DGKB: variants seen among roughly 807,000 people sequenced by gnomAD.
The protein encoded by DGKB is 90 kDa diacylglycerol kinase.
DGKB carries 67 observed loss-of-function variants against 114.3 expected under a neutral mutation model. The ratio of observed to expected loss-of-function variants is 0.59; its 90% CI spans 0.48 to 0.72. The LOEUF (loss-of-function observed/expected upper bound fraction) is 0.72. Ranked by LOEUF, DGKB falls within the 30% of genes least tolerant of loss-of-function variation. The probability of loss-of-function intolerance (pLI) is 0.00; values close to 1 mark genes in which losing one functional copy is unlikely to be tolerated. For missense variants in DGKB, 907 were observed against 975.2 expected (o/e 0.93, Z 0.93); for synonymous variants, 398 against 323.1 (o/e 1.23, Z -2.49).
intron 21 of DGKB, among the ~76,000 whole-genome samples, chr7:14,386,124 C>T (rs1290022540): frequency 6.6e-6 from 1 of 152,176 alleles, no homozygotes; most frequent in Non-Finnish European, 1.5e-5. Flanking sequence ...GATAATTTCA[C>T]ATGCCATGTG....
At chr7:14,541,640 C>T (rs1270924916) in intron 20 of DGKB, among the ~76,000 whole-genome samples, 1 of 152,092 alleles carries the variant, frequency 6.6e-6, no homozygotes, top group African/African-American at 2.4e-5. Context: ...AAAACCTTCC[C>T]AAAGCATATT....
chr7:14,452,946 A>G (rs1831739460), intron 21 of DGKB, among the ~76,000 whole-genome samples: 1 of 152,142 alleles, frequency 6.6e-6, no homozygotes, highest in Non-Finnish European at 1.5e-5. Context: ...AAGTTTCTAT[A>G]AAGGCTCCAT....
At chr7:14,264,287 C>A (rs867036102) in intron 23 of DGKB, among the ~76,000 whole-genome samples, 2 of 152,128 alleles carry the variant, frequency 1.3e-5, no homozygotes, top group African/African-American at 4.8e-5. Flanking sequence ...GCATTTTTAT[C>A]AGAAATTTAT....
intron 21 of DGKB, among the ~76,000 whole-genome samples, chr7:14,364,954 G>A (rs897812508): frequency 3.9e-5 from 6 of 151,956 alleles, no homozygotes; most frequent in Non-Finnish European, 7.4e-5. Flanking sequence ...TCACATAAGT[G>A]AATATATTTG....
chr7:14,595,597 T>C (rs1802446886), intron 17 of DGKB, among the ~76,000 whole-genome samples: 1 of 150,138 alleles, frequency 6.7e-6, no homozygotes, highest in Non-Finnish European at 1.5e-5. Context: ...GTGATGTATA[T>C]ATATAAATAT....
chr7:14,623,700 G>A (rs1178469354), intron 14 of DGKB, among the ~76,000 whole-genome samples: 2 of 152,060 alleles, frequency 1.3e-5, no homozygotes, highest in Non-Finnish European at 2.9e-5. Context: ...CAAGTCGTTT[G>A]GAAAGTGATG....
At chr7:14,732,570 T>C (rs1444099477) in intron 5 of DGKB, among the ~76,000 whole-genome samples, 1 of 149,830 alleles carries the variant, frequency 6.7e-6, no homozygotes, top group African/African-American at 2.5e-5. Context: ...GAAAAAAAAA[T>C]AGGGTTAGAT....
At position 14,613,404 on chromosome 7, in the gene DGKB, C is replaced by G. The variant is rs1805930869; in HGVS notation, c.1294G>C (p.Val432Leu). ...ACTAAAAGTGGGTGAGTACCAGGCA[C>G]AGGAGTGACCTATAAGAAAAGTTAT... ...VDGQGLQVTPVPGTHPLLVFV... is the reference protein window; with the variant it reads ...VDGQGLQVTPLPGTHPLLVFV... Residue 432 changes from valine to leucine, a missense_variant, in exon 16 of 26, where the codon GTG becomes CTG. By Grantham distance (32) the Val-to-Leu change is conservative (BLOSUM62 1). Coordinates refer to ENST00000402815, the MANE Select transcript of DGKB (RefSeq NM_001350709.2). The G allele has an allele frequency of 6.4e-7, 1 of 1,557,926 alleles. No individual in the cohort carries two copies. The highest frequency in any genetic ancestry group is 8.7e-7 in the Non-Finnish European group (1 of 1,147,266).
At chr7:14,851,802 C>G (rs1849386029) in intron 1 of DGKB, among the ~76,000 whole-genome samples, 1 of 152,178 alleles carries the variant, frequency 6.6e-6, no homozygotes, top group Non-Finnish European at 1.5e-5. Flanking sequence ...CTTGAAGAAG[C>G]CATGTATAAG....
In DGKB at chr7:14,239,567, A is replaced by T. The variant is rs1234076173; in HGVS notation, c.2123-61416T>A. Among the ~76,000 whole-genome samples, 3 of 151,988 alleles carry T rather than the reference A, an allele frequency of 2.0e-5. No individual in the cohort carries two copies. In the East Asian group the frequency reaches 5.8e-4, roughly 29 times the overall value. On this transcript the variant is annotated intron_variant, in intron 23 of 25. Transcript: ENST00000402815. Reference sequence around the variant, plus strand: ...GATTACTCATTCATTATGTCCTCTAATCTTTCTAGGTAGATAATTAGCATC... The same window carrying T: ...GATTACTCATTCATTATGTCCTCTATTCTTTCTAGGTAGATAATTAGCATC...
At chr7:14,293,838 G>C (rs1802122221) in intron 23 of DGKB, among the ~76,000 whole-genome samples, 1 of 152,140 alleles carries the variant, frequency 6.6e-6, no homozygotes, top group African/African-American at 2.4e-5. Context: ...TCTTCTTGCT[G>C]AGTCTTTTAC....
intron 21 of DGKB, among the ~76,000 whole-genome samples, chr7:14,440,641 T>C (rs1297316582): frequency 6.6e-6 from 1 of 152,198 alleles, no homozygotes; most frequent in Non-Finnish European, 1.5e-5. Flanking sequence ...TACTTACTCA[T>C]CCACTGTTGA....
intron 2 of DGKB, among the ~76,000 whole-genome samples, chr7:14,782,807 A>T (rs1304079392): frequency 1.3e-5 from 2 of 152,012 alleles, no homozygotes; most frequent in Non-Finnish European, 2.9e-5. Context: ...GTGTGATTGT[A>T]CCTCAGTTTG....
intron 21 of DGKB, among the ~76,000 whole-genome samples, chr7:14,470,278 C>A (rs1263101542): frequency 1.3e-5 from 2 of 151,738 alleles, no homozygotes; most frequent in Non-Finnish European, 3.0e-5. Flanking sequence ...AAACATTTAA[C>A]TTTTAATTTC....
chr7:14,802,399 C>A (rs1842285237), intron 2 of DGKB, among the ~76,000 whole-genome samples: 1 of 152,038 alleles, frequency 6.6e-6, no homozygotes, highest in African/African-American at 2.4e-5. Context: ...AATTAGTAGG[C>A]CCACTAAAAG....
chr7:14,526,096 T>C (rs369751700), intron 20 of DGKB, among the ~76,000 whole-genome samples: 22 of 152,296 alleles, frequency 1.4e-4, no homozygotes, highest in African/African-American at 5.3e-4. Flanking sequence ...CACTTGTCTG[T>C]GGTTTAAATA....
At chr7:14,266,794 A>T (rs1352905681) in intron 23 of DGKB, among the ~76,000 whole-genome samples, 1 of 152,222 alleles carries the variant, frequency 6.6e-6, no homozygotes, top group Non-Finnish European at 1.5e-5. Flanking sequence ...CTAAATAGAC[A>T]ATACTGTTTA....
chr7:14,541,835 T>C (rs959926960), intron 20 of DGKB, among the ~76,000 whole-genome samples: 1 of 152,218 alleles, frequency 6.6e-6, no homozygotes, highest in African/African-American at 2.4e-5. Flanking sequence ...AATATTTTAA[T>C]AGAGATTTCA....
intron 20 of DGKB, among the ~76,000 whole-genome samples, chr7:14,515,337 C>G (rs1238578014): frequency 6.6e-6 from 1 of 152,042 alleles, no homozygotes; most frequent in African/African-American, 2.4e-5. Context: ...AACATGAAAT[C>G]AGTGATAACT....
Sources: allele counts gnomAD v4.1 joint callset (sites outside exome capture counted in the v4.1 genomes callset), GRCh38; gene constraint gnomAD v4.1.1; transcripts MANE v1.5; gene names NCBI Gene and HGNC (gene_info 2026-07-23, HGNC 2026-07-21).